PPM1B: variants seen among roughly 807,000 people sequenced by gnomAD.
PPM1B encodes protein phosphatase, Mg2+/Mn2+ dependent 1B, also known as protein phosphatase 1B.
In PPM1B, 22 loss-of-function variants were observed where a neutral mutation model predicts 43.0. The observed-to-expected ratio is 0.51, with a 90% CI of 0.37 to 0.73. The LOEUF (loss-of-function observed/expected upper bound fraction) is 0.73, where lower values mean the gene tolerates loss of function less well. PPM1B is among the 30% of genes least tolerant of loss of function. PPM1B has a pLI of 0.00. For missense variants in PPM1B, 632 were observed against 584.2 expected (o/e 1.08, Z -0.84); for synonymous variants, 217 against 197.9 (o/e 1.10, Z -0.81).
chr2:44,240,932 A>C (rs1263581777), intron 5 of PPM1B, among the ~76,000 whole-genome samples: 1 of 146,122 alleles, frequency 6.8e-6, no homozygotes, highest in Admixed American at 6.8e-5. Context: ...CTTGTATGTA[A>C]ATTTGTCTCC....
At position 44,197,339 on chromosome 2, in the gene PPM1B, G is replaced by A. The variant is rs192426309; in HGVS notation, c.-14-3847G>A. 5.9e-5 allele frequency among the ~76,000 whole-genome samples: 9 copies of A among 152,176 alleles called. No homozygotes were observed. The East Asian group carries it at 9.6e-4, about 16-fold the overall frequency. ...TCATTATGTTGTCCAGGCTGATCTC[G>A]AACTCCTGGGCCCAAGTGATTCTCC... On this transcript the variant is annotated intron_variant, in intron 1 of 5. Coordinates refer to ENST00000282412, the MANE Select transcript of PPM1B (RefSeq NM_002706.6).
intron 1 of PPM1B, among the ~76,000 whole-genome samples, chr2:44,199,536 A>G (rs1668832544): frequency 6.6e-6 from 1 of 152,180 alleles, no homozygotes; most frequent in Non-Finnish European, 1.5e-5. Context: ...TTTCATTTGC[A>G]TTTAAGTATC....
At chr2:44,243,828 A>G (rs1670800703) in intron 5 of PPM1B, among the ~76,000 whole-genome samples, 1 of 152,176 alleles carries the variant, frequency 6.6e-6, no homozygotes, top group Admixed American at 6.5e-5. Context: ...ATTTTTCCAG[A>G]TGAATTTTTC....
intron 1 of PPM1B, among the ~76,000 whole-genome samples, chr2:44,198,271 C>A (rs1281832229): frequency 6.6e-6 from 1 of 152,182 alleles, no homozygotes; most frequent in Non-Finnish European, 1.5e-5. Flanking sequence ...AGCAATTCTC[C>A]TGTCTCAGCC....
intron 1 of PPM1B, among the ~76,000 whole-genome samples, chr2:44,199,492 A>G (rs1668830815): frequency 6.6e-6 from 1 of 152,154 alleles, no homozygotes. Context: ...AAAAAGAAAG[A>G]AAAGTGATTT....
chr2:44,222,026 A>C (rs1051601190), intron 5 of PPM1B, among the ~76,000 whole-genome samples: 6 of 152,126 alleles, frequency 3.9e-5, no homozygotes, highest in Non-Finnish European at 7.4e-5. Flanking sequence ...AGGGATTCTT[A>C]GTCTAGGGAT....
At chr2:44,235,017 C>G (rs997632046), downstream of PPM1B, among the ~76,000 whole-genome samples, 1 of 152,118 alleles carries the variant, frequency 6.6e-6, no homozygotes, top group African/African-American at 2.4e-5. Context: ...TGGCCTCACA[C>G]AGATAGGTAG....
intron 5 of PPM1B, among the ~76,000 whole-genome samples, chr2:44,223,865 A>T (rs71420086): frequency 1.3e-5 from 2 of 150,004 alleles, no homozygotes; most frequent in Non-Finnish European, 3.0e-5. Context: ...GAGAAAATGC[A>T]CTAACATTAG....
intron 1 of PPM1B, among the ~76,000 whole-genome samples, chr2:44,177,899 T>C (rs1462196186): frequency 6.6e-6 from 1 of 151,242 alleles, no homozygotes; most frequent in Non-Finnish European, 1.5e-5. Context: ...TATTCCATTG[T>C]ATGATTAGAA....
At chr2:44,244,007 T>C (rs895022972) in intron 5 of PPM1B, among the ~76,000 whole-genome samples, 2 of 148,950 alleles carry the variant, frequency 1.3e-5, no homozygotes, top group African/African-American at 5.0e-5. Context: ...ATGTCCCCAG[T>C]ACAGTTTTGT....
At chr2:44,199,942 G>GA (rs1013239238) in intron 1 of PPM1B, among the ~76,000 whole-genome samples, 1 of 151,900 alleles carries the variant, frequency 6.6e-6, no homozygotes, top group Non-Finnish European at 1.5e-5. Context: ...ATCATACCTG[G>GA]AAAAAATCTC....
chr2:44,209,463 T>G, intron 3 of PPM1B, 136 bp downstream of exon 3: 3 of 898,606 alleles, frequency 3.3e-6, no homozygotes, highest in South Asian at 1.9e-5. Flanking sequence ...GGGAAAGTAT[T>G]CTTTTTGTTT....
intron 5 of PPM1B, among the ~76,000 whole-genome samples, chr2:44,220,584 T>TA (rs1558424877): frequency 1.3e-5 from 2 of 152,230 alleles, no homozygotes; most frequent in Non-Finnish European, 2.9e-5. Context: ...GTGTGTTGTA[T>TA]AGTGGATTCA....
At chr2:44,183,962 T>A (rs2104032207) in intron 1 of PPM1B, among the ~76,000 whole-genome samples, 1 of 152,296 alleles carries the variant, frequency 6.6e-6, no homozygotes, top group South Asian at 2.1e-4. Flanking sequence ...ATGGTCTCGA[T>A]CTCCTGACCT....
chr2:44,222,514 AG>A (rs1416442534), intron 5 of PPM1B, among the ~76,000 whole-genome samples: 2 of 152,170 alleles, frequency 1.3e-5, no homozygotes, highest in Admixed American at 6.5e-5. Context: ...AAAGTTGAGC[AG>A]GGGGGTGACC....
rs1278369440 is a variant in PPM1B at position 44,209,153 on chromosome 2, AAAT to A, written c.847-52_847-50del. The A allele has an allele frequency of 6.5e-6, 9 of 1,394,922 alleles. No homozygotes were observed. In the East Asian group the frequency reaches 7.3e-5, roughly 11 times the overall value. The allele number at this position is 1,394,922 out of a possible 1,614,324, so 86.4% of individuals were successfully genotyped here. A position where few individuals can be genotyped will look rare whatever the true frequency, so the allele number is the denominator to read the frequency against. Reference sequence around the variant, plus strand: ...ATAATTGCTTAAAGTATTTTGAAGTAAATAATAGTTGATTGTAGAAATACAATT... The same window carrying A: ...ATAATTGCTTAAAGTATTTTGAAGTAAATAGTTGATTGTAGAAATACAATT... On this transcript the variant is annotated intron_variant, in intron 2 of 5. Coordinates refer to ENST00000282412, the MANE Select transcript of PPM1B (RefSeq NM_002706.6).
chr2:44,183,274 A>G (rs1381663646), intron 1 of PPM1B, among the ~76,000 whole-genome samples: 2 of 152,332 alleles, frequency 1.3e-5, no homozygotes, highest in South Asian at 2.1e-4. Flanking sequence ...TCCCATGTGC[A>G]TGTTCTTAAC....
At chr2:44,182,873 TTAGTG>T (rs1321631670) in intron 1 of PPM1B, among the ~76,000 whole-genome samples, 5 of 152,228 alleles carry the variant, frequency 3.3e-5, no homozygotes, top group Admixed American at 6.5e-5. Flanking sequence ...CAGTTTTTCT[TTAGTG>T]TAGAGCTTCG....
chr2:44,208,837 A>G (rs1358890592), intron 2 of PPM1B, among the ~76,000 whole-genome samples: 2 of 152,258 alleles, frequency 1.3e-5, no homozygotes, highest in African/African-American at 4.8e-5. Context: ...GCTAAGCTGG[A>G]AAACATTTGC....
Sources: allele counts gnomAD v4.1 joint callset (sites outside exome capture counted in the v4.1 genomes callset), GRCh38; gene constraint gnomAD v4.1.1; transcripts MANE v1.5; gene names NCBI Gene and HGNC (gene_info 2026-07-23, HGNC 2026-07-21).